Variants in PTPRK observed in about 807,000 individuals in gnomAD.
PTPRK encodes the protein protein tyrosine phosphatase receptor type K.
A neutral mutation model predicts 178.0 loss-of-function variants in PTPRK; 75 were observed. The observed-to-expected ratio is 0.42, with a 90% CI of 0.35 to 0.51. The LOEUF (loss-of-function observed/expected upper bound fraction) is 0.51. Among genes scored for constraint, PTPRK ranks in the 20% least tolerant of loss-of-function variants. The pLI, the probability that PTPRK is intolerant of heterozygous loss-of-function variation, is 0.02. For missense variants in PTPRK, 1,441 were observed against 1,797.8 expected, an observed-to-expected ratio of 0.80 and a Z score of 3.59; for synonymous variants, 637 against 620.6, an observed-to-expected ratio of 1.03 and a Z score of -0.39.
At chr6:128,127,623 T>G (rs1017801598) in intron 7 of PTPRK, among the ~76,000 whole-genome samples, 2 of 152,226 alleles carry the variant, frequency 1.3e-5, no homozygotes, top group Non-Finnish European at 2.9e-5. Context: ...GGTCACAATG[T>G]TACCTGTAGG....
chr6:127,990,557 A>T (rs972297288), intron 21 of PTPRK, among the ~76,000 whole-genome samples: 2 of 151,680 alleles, frequency 1.3e-5, no homozygotes, highest in Non-Finnish European at 2.9e-5. Context: ...TCTTAATTCA[A>T]TCGGCTCTAA....
intron 1 of PTPRK, among the ~76,000 whole-genome samples, chr6:128,490,706 C>T (rs1452074573): frequency 6.6e-6 from 1 of 152,178 alleles, no homozygotes; most frequent in Non-Finnish European, 1.5e-5. Context: ...TATTAGTATA[C>T]TAGGGCCAAC....
intron 3 of PTPRK, among the ~76,000 whole-genome samples, chr6:128,256,671 C>A (rs1451960214): frequency 6.6e-6 from 1 of 151,514 alleles, no homozygotes; most frequent in Admixed American, 6.6e-5. Context: ...CTCCTGACCT[C>A]GTGATCCGCC....
intron 1 of PTPRK, among the ~76,000 whole-genome samples, chr6:128,501,762 C>G (rs1002119021): frequency 6.6e-6 from 1 of 152,048 alleles, no homozygotes; most frequent in African/African-American, 2.4e-5. Flanking sequence ...CTTTAGCTAA[C>G]AAATAGTAAT....
rs867114186 is a variant in PTPRK at position 128,067,653 on chromosome 6, G to A, written c.2023C>T (p.Pro675Ser). ...GCAGGCTCAGGTAGGTTTCCCGGGG[G>A]GAGTTCTGCAGCAAAGTAATACGGT... ...GAPYYFAAEL[P>S]PGNLPEPAPF... is the part of the protein sequence containing the mutation. Residue 675 changes from proline (P) to serine (S), a missense_variant, in exon 12 of 30, where the codon CCC (proline) becomes TCC (serine). Pro to Ser is a moderately conservative substitution (Grantham distance 74, BLOSUM62 -1). Coordinates refer to ENST00000368226, the MANE Select transcript of PTPRK (RefSeq NM_002844.4). 6.2e-7 allele frequency: 1 copy of A among 1,613,762 alleles called. No individual in the cohort carries two copies. The highest frequency in any genetic ancestry group is 1.3e-5 in the African/African-American group (1 of 75,014).
At chr6:128,285,553 G>A (rs953918863) in intron 3 of PTPRK, among the ~76,000 whole-genome samples, 8 of 151,258 alleles carry the variant, frequency 5.3e-5, no homozygotes, top group African/African-American at 1.9e-4. Flanking sequence ...GCTCATGCCT[G>A]TAATCCCAGC....
chr6:128,463,741 G>GTTTTTTTTT (rs896710320), intron 1 of PTPRK, among the ~76,000 whole-genome samples: 1 of 96,868 alleles, frequency 1.0e-5, no homozygotes, highest in African/African-American at 4.5e-5. Context: ...AATCTTCACG[G>GTTTTTTTTT]TTTTTTTTTT....
chr6:128,442,738 C>T (rs1846440067), intron 1 of PTPRK, among the ~76,000 whole-genome samples: 1 of 152,182 alleles, frequency 6.6e-6, no homozygotes, highest in South Asian at 2.1e-4. Context: ...TATGCAGCCT[C>T]TACTATATCC....
At chr6:128,317,152 C>A (rs1406768940) in intron 3 of PTPRK, among the ~76,000 whole-genome samples, 1 of 151,844 alleles carries the variant, frequency 6.6e-6, no homozygotes, top group Admixed American at 6.6e-5. Context: ...CAGCTAAAGA[C>A]CAAACTCATA....
At chr6:128,511,184 C>T (rs1857129419) in intron 1 of PTPRK, among the ~76,000 whole-genome samples, 1 of 152,154 alleles carries the variant, frequency 6.6e-6, no homozygotes, top group African/African-American at 2.4e-5. Flanking sequence ...TGTATACAAG[C>T]CTGCCAGACA....
chr6:128,328,518 T>C (rs571672076), intron 2 of PTPRK, among the ~76,000 whole-genome samples: 126 of 152,306 alleles, frequency 8.3e-4, no homozygotes, highest in African/African-American at 2.9e-3. Flanking sequence ...ATGAAACTAG[T>C]TTATGCTGCT....
chr6:128,228,067 T>C (rs79400153), intron 5 of PTPRK, among the ~76,000 whole-genome samples: 1 of 150,376 alleles, frequency 6.6e-6, no homozygotes, highest in South Asian at 2.1e-4. Context: ...TGTATACCTA[T>C]GTAACAAACC....
intron 7 of PTPRK, among the ~76,000 whole-genome samples, chr6:128,135,078 T>TCACACACACACACACACACACA (rs34254716): frequency 2.6e-4 from 36 of 136,378 alleles, no homozygotes; most frequent in East Asian, 2.6e-3. Flanking sequence ...AATCATTCAA[T>TCACACACACACACACACACACA]CACACACACA....
At chr6:128,419,619 AAAAAAG>A (rs1011766134) in intron 1 of PTPRK, among the ~76,000 whole-genome samples, 34 of 152,204 alleles carry the variant, frequency 2.2e-4, no homozygotes, top group African/African-American at 8.2e-4. Context: ...CTCAAAAAAA[AAAAAAG>A]AAAAAGAAAA....
intron 3 of PTPRK, among the ~76,000 whole-genome samples, chr6:128,294,687 A>G (rs1823976306): frequency 6.6e-6 from 1 of 152,118 alleles, no homozygotes; most frequent in South Asian, 2.1e-4. Flanking sequence ...CTGCAGTAAA[A>G]AACAAAAGTT....
At chr6:128,224,307 C>T (rs1810911652) in intron 5 of PTPRK, among the ~76,000 whole-genome samples, 1 of 152,132 alleles carries the variant, frequency 6.6e-6, no homozygotes, top group Non-Finnish European at 1.5e-5. Context: ...ACCAAGTAAC[C>T]CTGGGCAAGT....
At chr6:128,373,506 T>A (rs1394625912) in intron 2 of PTPRK, among the ~76,000 whole-genome samples, 2 of 152,208 alleles carry the variant, frequency 1.3e-5, no homozygotes, top group Non-Finnish European at 1.5e-5. Flanking sequence ...GGGTGTGGCA[T>A]TAATCCTTTA....
At chr6:128,247,004 T>C (rs1815580287) in intron 3 of PTPRK, among the ~76,000 whole-genome samples, 1 of 152,162 alleles carries the variant, frequency 6.6e-6, no homozygotes, top group African/African-American at 2.4e-5. Context: ...CCACAGGAAG[T>C]GTCTCCTATA....
At chr6:128,175,889 C>G (rs1800992002) in intron 7 of PTPRK, among the ~76,000 whole-genome samples, 1 of 151,808 alleles carries the variant, frequency 6.6e-6, no homozygotes, top group South Asian at 2.1e-4. Context: ...CACATTTTAT[C>G]CACCTAAACA....
Sources: gnomAD v4.1 joint callset for allele counts (sites outside exome capture counted in the v4.1 genomes callset) on GRCh38, gnomAD v4.1.1 for gene constraint, MANE v1.5 for transcripts, NCBI Gene and HGNC (gene_info 2026-07-23, HGNC 2026-07-21) for gene names.